Variants in ZNF737 observed in about 807,000 individuals in gnomAD.
ZNF737 encodes zinc finger protein 102 (Y3).
A neutral mutation model predicts 11.7 loss-of-function variants in ZNF737; 13 were observed. The ratio of observed to expected loss-of-function variants is 1.11; its 90% CI spans 0.73 to 1.77. ZNF737 has a LOEUF of 1.77. Among genes scored for constraint, ZNF737 ranks in the 40% most tolerant of loss-of-function variants. The pLI, the probability that ZNF737 is intolerant of heterozygous loss-of-function variation, is 0.00. For synonymous variants in ZNF737, 217 were observed against 216.2 expected (o/e 1.00, Z -0.03); for missense variants, 636 against 638.0 (o/e 1.00, Z 0.03).
intron 1 of ZNF737, among the ~76,000 whole-genome samples, chr19:20,560,187 A>AG (rs1969037574): frequency 6.6e-6 from 1 of 151,368 alleles, no homozygotes; most frequent in Non-Finnish European, 1.5e-5. Context: ...AAAAAAAAAA[A>AG]AAAAAAAAAA....
At position 20,543,542 on chromosome 19, in the gene ZNF737, A is replaced by T; in HGVS notation, c.*1050T>A. On this transcript the variant is annotated 3_prime_UTR_variant, in exon 4 of 4. Coordinates refer to ENST00000427401, the MANE Select transcript of ZNF737 (RefSeq NM_001159293.2). The stretch of plus-strand genomic sequence containing the variant: ...TTTTCCATATTCCTTCTATTTGTAC[A>T]ATTTTTCTCAAGGATACTAGCTTTT... 1.0e-6 allele frequency: 1 copy of T among 985,392 alleles called. No homozygotes were observed. The highest frequency in any genetic ancestry group is 5.2e-4 in the Middle Eastern group (1 of 1,916). 61.0% of individuals were successfully genotyped at this position (985,392 alleles called of 1,614,324 possible). A position where few individuals can be genotyped will look rare whatever the true frequency, so the allele number is the denominator to read the frequency against.
chr19:20,530,905 G>A (rs192802381), downstream of ZNF737, among the ~76,000 whole-genome samples: 4 of 147,646 alleles, frequency 2.7e-5, no homozygotes, highest in Non-Finnish European at 4.5e-5. Context: ...GTAGCGAGCC[G>A]AGATCACACC....
chr19:20,539,259 C>T lies in ZNF737; in HGVS notation c.*5333G>A. ...GAGCTGAGCACGTACCATTGCAGTG[C>T]AGCGTGAGTGACAGAGTGAGAATCC... On this transcript the variant is annotated 3_prime_UTR_variant, in exon 4 of 4. Transcript: ENST00000427401. 1 of 931,000 alleles carries T rather than the reference C, an allele frequency of 1.1e-6. No homozygotes were observed. Among genetic ancestry groups the T allele is most frequent in the Non-Finnish European group, 1.3e-6 (1 of 781,258 alleles). 57.7% of individuals were successfully genotyped at this position (931,000 alleles called of 1,614,324 possible).
chr19:20,553,122 T>G (rs1968756299), intron 2 of ZNF737, among the ~76,000 whole-genome samples: 1 of 152,160 alleles, frequency 6.6e-6, no homozygotes, highest in Non-Finnish European at 1.5e-5. Flanking sequence ...GGCATTTAGA[T>G]TTTCAGGTGG....
chr19:20,534,191 C>A (rs1342374870), downstream of ZNF737, among the ~76,000 whole-genome samples: 3 of 150,040 alleles, frequency 2.0e-5, 1 homozygote, highest in African/African-American at 7.4e-5. Flanking sequence ...TCTGTAATCC[C>A]AGCAATTTGG....
downstream of ZNF737, among the ~76,000 whole-genome samples, chr19:20,536,356 T>C (rs1040257897): frequency 2.6e-5 from 4 of 152,214 alleles, no homozygotes; most frequent in Non-Finnish European, 4.4e-5. Flanking sequence ...GTCTCACCTA[T>C]AGTTGTACAA....
downstream of ZNF737, among the ~76,000 whole-genome samples, chr19:20,534,466 T>TATCTATCTATC (rs1295882555): frequency 1.3e-5 from 2 of 148,798 alleles, no homozygotes; most frequent in Non-Finnish European, 3.0e-5. Context: ...TCTATCTATC[T>TATCTATCTATC]ATCTATCTAT....
chr19:20,539,726 A>G lies in ZNF737; in HGVS notation c.*4866T>C. 1.0e-6 allele frequency: 1 copy of G among 982,640 alleles called. No individual in the cohort carries two copies. 60.9% of individuals were successfully genotyped at this position (982,640 alleles called of 1,614,324 possible). A position where few individuals can be genotyped will look rare whatever the true frequency, so the allele number is the denominator to read the frequency against. On this transcript the variant is annotated 3_prime_UTR_variant, in exon 4 of 4. Transcript: ENST00000427401. ...GGTTTTTCAAATATGAAAACAGACA[A>G]TTAGGTATACTTTTTGAAGTAAGTT...
intron 1 of ZNF737, among the ~76,000 whole-genome samples, chr19:20,562,340 ATT>A (rs56851244): frequency 1.3e-3 from 160 of 123,730 alleles, no homozygotes; most frequent in Middle Eastern, 4.4e-3. Context: ...CACCTGGCTA[ATT>A]TTTTTTTTTT....
intron 1 of ZNF737, among the ~76,000 whole-genome samples, chr19:20,565,101 A>T (rs1319977113): frequency 2.6e-5 from 4 of 151,814 alleles, no homozygotes; most frequent in African/African-American, 9.7e-5. Context: ...CACCCAGCTA[A>T]TTTTTGCATT....
intron 3 of ZNF737, among the ~76,000 whole-genome samples, chr19:20,549,608 T>C (rs1197659763): frequency 2.6e-5 from 4 of 151,900 alleles, no homozygotes; most frequent in African/African-American, 9.7e-5. Flanking sequence ...TCATAAAATC[T>C]TGTATGCAAC....
the ZNF737 span, among the ~76,000 whole-genome samples, chr19:20,530,779 G>T: frequency 6.8e-6 from 1 of 146,812 alleles, no homozygotes; most frequent in Admixed American, 6.7e-5. Context: ...TCACATCCCA[G>T]ATGATGGGCG....
At chr19:20,531,444 C>T (rs1291263306), downstream of ZNF737, among the ~76,000 whole-genome samples, 3 of 103,132 alleles carry the variant, frequency 2.9e-5, no homozygotes, top group Non-Finnish European at 5.5e-5. Context: ...TTTTGTGTAC[C>T]ATCATTTTGT....
At chr19:20,548,775 C>T (rs1555757587) in intron 3 of ZNF737, among the ~76,000 whole-genome samples, 1 of 151,130 alleles carries the variant, frequency 6.6e-6, no homozygotes, top group African/African-American at 2.4e-5. Flanking sequence ...AGAGGTGTCA[C>T]CATATGTTGC....
At chr19:20,554,063 A>C (rs551156484) in intron 1 of ZNF737, among the ~76,000 whole-genome samples, 1 of 152,360 alleles carries the variant, frequency 6.6e-6, no homozygotes, top group African/African-American at 2.4e-5. Context: ...TCTAGATAGT[A>C]AAGTGTAAAA....
rs33932 is a variant in ZNF737 at position 20,542,012 on chromosome 19, A to G, written c.*2580T>C. On this transcript the variant is annotated 3_prime_UTR_variant, in exon 4 of 4. Transcript: ENST00000427401. ...ATAATAAAGAGTCAAAATTTAATCT[A>G]TGGGAACAATATTTAACTCATTTGC... 0.052 allele frequency: 51,479 copies of G among 983,364 alleles called. 1,658 individuals are homozygous for G. Among genetic ancestry groups the G allele is most frequent in the East Asian group, 0.19 (1,634 of 8,764 alleles). The allele number at this position is 983,364 out of a possible 1,614,324, so 60.9% of individuals were successfully genotyped here. A position where few individuals can be genotyped will look rare whatever the true frequency, so the allele number is the denominator to read the frequency against.
Position 20,544,807 on chromosome 19 carries a change from A to G in ZNF737, c.1396T>C (p.Ser466Pro). Residue 466 changes from serine (S) to proline (P), a missense_variant, in exon 4 of 4, where the codon TCA becomes CCA. Physicochemically the swap from Ser to Pro is moderately conservative, Grantham distance 74. Transcript: ENST00000427401. ...EECGKAFNSS[S>P]HLTAHKRIHT... is the part of the protein sequence containing the mutation. Reference sequence around the variant, plus strand: ...ATTCTCTTATGTGCAGTAAGGTGTGAGGACGAGTTGAAGGCTTTGCCACAT... The same window carrying G: ...ATTCTCTTATGTGCAGTAAGGTGTGGGGACGAGTTGAAGGCTTTGCCACAT... 1 of 1,610,122 alleles carries G rather than the reference A, an allele frequency of 6.2e-7. No individual in the cohort carries two copies. Among genetic ancestry groups the G allele is most frequent in the South Asian group, 1.1e-5 (1 of 90,504 alleles).
downstream of ZNF737, among the ~76,000 whole-genome samples, chr19:20,536,795 T>A (rs564545597): frequency 6.6e-6 from 1 of 151,972 alleles, no homozygotes; most frequent in Non-Finnish European, 1.5e-5. Flanking sequence ...CACAAAAAAT[T>A]AGCTGTGCAT....
chr19:20,532,010 A>G (rs1199465840), downstream of ZNF737, among the ~76,000 whole-genome samples: 3 of 150,318 alleles, frequency 2.0e-5, no homozygotes, highest in East Asian at 5.9e-4. Flanking sequence ...GAACATAGTT[A>G]TACAATTTTG....
Sources: gnomAD v4.1 joint callset for allele counts (sites outside exome capture counted in the v4.1 genomes callset) on GRCh38, gnomAD v4.1.1 for gene constraint, MANE v1.5 for transcripts, NCBI Gene and HGNC (gene_info 2026-07-23, HGNC 2026-07-21) for gene names.